The following CTSB variants were observed in gnomAD, a reference collection of about 807,000 sequenced individuals.
The protein encoded by CTSB is APP secretase.
A neutral mutation model predicts 44.3 loss-of-function variants in CTSB; 57 were observed. That is an observed-to-expected ratio of 1.29 (90% confidence interval 1.04 to 1.60). The LOEUF (loss-of-function observed/expected upper bound fraction) is 1.60. CTSB is among the 40% of genes most tolerant of loss of function. The pLI, the probability that CTSB is intolerant of heterozygous loss-of-function variation, is 0.00. For missense variants in CTSB, 768 were observed against 443.0 expected, an observed-to-expected ratio of 1.73 and a Z score of -6.59; for synonymous variants, 320 against 168.0, an observed-to-expected ratio of 1.91 and a Z score of -7.00.
At chr8:11,857,383 C>G (rs942800092) in intron 1 of CTSB, among the ~76,000 whole-genome samples, 22 of 152,052 alleles carry the variant, frequency 1.4e-4, no homozygotes, top group Admixed American at 6.6e-5. Context: ...TCTCACGTGG[C>G]CATGCATGTC....
intron 1 of CTSB, among the ~76,000 whole-genome samples, chr8:11,855,112 T>A (rs1411350095): frequency 6.6e-6 from 1 of 152,154 alleles, no homozygotes; most frequent in Non-Finnish European, 1.5e-5. Flanking sequence ...AACCTCTGCC[T>A]CCTGGGTTCA....
intron 1 of CTSB, among the ~76,000 whole-genome samples, chr8:11,856,835 C>T (rs1184011928): frequency 6.9e-6 from 1 of 144,946 alleles, no homozygotes; most frequent in Non-Finnish European, 1.5e-5. Context: ...CTTTTTTTCA[C>T]AACATACCCT....
Position 11,845,802 on chromosome 8 carries a change from G to T in CTSB, c.794-13C>A. 6.2e-7 allele frequency: 1 copy of T among 1,607,214 alleles called. No homozygotes were observed. Among genetic ancestry groups the T allele is most frequent in the Non-Finnish European group, 8.5e-7 (1 of 1,175,248 alleles). On this transcript the variant is annotated splice_polypyrimidine_tract_variant and intron_variant, in intron 8 of 9. Transcript: ENST00000353047. The stretch of plus-strand genomic sequence containing the variant: ...TGTTGGTACACTCCTGAAAAGGGAA[G>T]AACTGGCTGAGACCGAGACCGGGCC...
At chr8:11,853,667 G>A (rs1011823161) in intron 1 of CTSB, 188 bp from the exon 2 acceptor site, 9 of 548,900 alleles carry the variant, frequency 1.6e-5, no homozygotes, top group Non-Finnish European at 2.8e-5. Flanking sequence ...ATGACCTCGT[G>A]TGGGTCCCCG....
rs1812476896 is a variant in CTSB at position 11,842,748 on chromosome 8, T to C, written c.*2377A>G. ...GCCTCCCAGGTTCAAGCGATTCTCG[T>C]ACCTCAGCCTCCCGAGTAGCTGGGA... is the stretch of plus-strand genomic sequence containing the variant. On this transcript the variant is annotated 3_prime_UTR_variant, in exon 10 of 10. Transcript: ENST00000353047. 6.6e-6 allele frequency: 1 copy of C among 152,060 alleles called. No homozygotes were observed. The highest frequency in any genetic ancestry group is 2.4e-5 in the African/African-American group (1 of 41,344). The allele number at this position is 152,060 out of a possible 1,614,324, so 9.4% of individuals were successfully genotyped here.
In CTSB at chr8:11,849,132, C is replaced by A; in HGVS notation, c.360G>T (p.Arg120=). 1.7e-5 allele frequency: 27 copies of A among 1,613,244 alleles called. No homozygotes were observed. The highest frequency in any genetic ancestry group is 2.2e-5 in the Non-Finnish European group (26 of 1,179,838). Residue 120 remains arginine, a synonymous_variant, in exon 5 of 10, where the codon CGG becomes CGT. Transcript: ENST00000353047. ...CGTGCGCATTGGTGTGGATGCAGAT[C>A]CGGTCAGAGATGGCTTCCACAGCCC... is the stretch of plus-strand genomic sequence containing the variant. ...AFGAVEAISD[R]ICIHTNAHVS... is the part of the protein sequence containing the mutation.
intron 6 of CTSB, 82 bp from the exon 7 acceptor site, chr8:11,847,904 G>A: frequency 2.0e-6 from 3 of 1,485,930 alleles, no homozygotes; most frequent in Non-Finnish European, 2.7e-6. Context: ...CGTGCCTGCA[G>A]CATGGACGCC....
chr8:11,849,258 T>G, intron 4 of CTSB, 94 bp from the exon 5 acceptor site: 3 of 891,560 alleles, frequency 3.4e-6, no homozygotes, highest in Non-Finnish European at 5.4e-6. Context: ...ACCTCAGACC[T>G]TGTAGGCAAC....
Position 11,852,591 on chromosome 8 carries a change from C to T in CTSB, c.212+19G>A. On this transcript the variant is annotated intron_variant, in intron 3 of 9. Transcript: ENST00000353047. The stretch of plus-strand genomic sequence containing the variant: ...GCCTGCCACTCACATTACAGCGGTG[C>T]AGAGGAGCAGGCACTCACCTCTGGG... 6.2e-7 allele frequency: 1 copy of T among 1,603,236 alleles called. No homozygotes were observed. The highest frequency in any genetic ancestry group is 2.2e-5 in the East Asian group (1 of 44,806).
chr8:11,865,201 A>G (rs1255010764), intron 1 of CTSB, among the ~76,000 whole-genome samples: 1 of 152,136 alleles, frequency 6.6e-6, no homozygotes. Flanking sequence ...CCCAGTAAAT[A>G]TCACTCAACC....
chr8:11,865,379 G>C (rs190649535), intron 1 of CTSB: 1 of 150,904 alleles, frequency 6.6e-6, no homozygotes, highest in African/African-American at 2.5e-5. Context: ...CCCCACATTG[G>C]GATTTTTTTA....
rs762468911 is a variant in CTSB, at chr8:11,847,154, T to C, written c.691A>G (p.Ser231Gly). Reference sequence around the variant, plus strand: ...ATGTCCTTCTCGCTATTGGAGACGCTGTAGGAATTGTATCCTGGAAAATGA... The same window carrying C: ...ATGTCCTTCTCGCTATTGGAGACGCCGTAGGAATTGTATCCTGGAAAATGA... ...QDKHYGYNSY[S>G]VSNSEKDIMA... The change falls in exon 8 of 10, where the codon AGC becomes GGC. Residue 231 changes from serine (S) to glycine (G), a missense_variant. Physicochemically the swap from Ser to Gly is moderately conservative, Grantham distance 56 (BLOSUM62 0). Coordinates refer to ENST00000353047, the MANE Select transcript of CTSB (RefSeq NM_001908.5). The C allele has an allele frequency of 6.2e-7, 1 of 1,610,368 alleles. No homozygotes were observed. The highest frequency in any genetic ancestry group is 1.3e-5 in the African/African-American group (1 of 74,798).
At chr8:11,845,529 A>C (rs1266734115) in intron 9 of CTSB, 132 bp downstream of exon 9, 2 of 1,121,112 alleles carry the variant, frequency 1.8e-6, no homozygotes, top group East Asian at 5.1e-5. Flanking sequence ...CCTGGCACTT[A>C]GGAGGAGCTC....
intron 3 of CTSB, 116 bp from the exon 4 acceptor site, chr8:11,851,096 T>G: frequency 1.8e-6 from 1 of 561,226 alleles, no homozygotes; most frequent in Non-Finnish European, 3.2e-6. Flanking sequence ...GCACAAGACA[T>G]GCCGAAGAAG....
At chr8:11,862,182 G>A (rs574924784) in intron 1 of CTSB, among the ~76,000 whole-genome samples, 7 of 150,902 alleles carry the variant, frequency 4.6e-5, no homozygotes, top group Middle Eastern at 3.5e-3. Flanking sequence ...ACTCCAGCCT[G>A]GGCGACAGAG....
At chr8:11,854,155 C>CT (rs1172536647) in intron 1 of CTSB, among the ~76,000 whole-genome samples, 1 of 152,232 alleles carries the variant, frequency 6.6e-6, no homozygotes, top group East Asian at 1.9e-4. Context: ...AGCTTGAACT[C>CT]TGAGTCACCC....
intron 6 of CTSB, 100 bp from the exon 7 acceptor site, chr8:11,847,922 T>G: frequency 6.9e-7 from 1 of 1,440,896 alleles, no homozygotes; most frequent in Non-Finnish European, 9.4e-7. Flanking sequence ...GCCAGGCAGG[T>G]CCTGCCAGAG....
chr8:11,853,466 G>A lies in CTSB; in HGVS notation c.-12C>T. ...CAGAGCTGCCACATGTTGGAAGCCG[G>A]ATCCTAGATCCACCTGGAGAGGACA... On this transcript the variant is annotated 5_prime_UTR_variant, in exon 2 of 10. Transcript: ENST00000353047. The A allele has an allele frequency of 6.2e-7, 1 of 1,610,092 alleles. No individual in the cohort carries two copies. The highest frequency in any genetic ancestry group is 8.5e-7 in the Non-Finnish European group (1 of 1,179,042).
At chr8:11,850,320 G>A (rs1200906746) in intron 4 of CTSB, among the ~76,000 whole-genome samples, 2 of 149,728 alleles carry the variant, frequency 1.3e-5, no homozygotes, top group East Asian at 2.0e-4. Context: ...TGGGGAGACT[G>A]AGGCAGGAGA....
Sources: allele counts gnomAD v4.1 joint callset (sites outside exome capture counted in the v4.1 genomes callset), GRCh38; gene constraint gnomAD v4.1.1; transcripts MANE v1.5; gene names NCBI Gene and HGNC (gene_info 2026-07-23, HGNC 2026-07-21).